The following INPP5F variants were observed in gnomAD, a reference collection of about 807,000 sequenced individuals.
INPP5F encodes the protein inositol polyphosphate-5-phosphatase F, also known as phosphatidylinositide 4-phosphatase SAC2.
INPP5F carries 97 observed loss-of-function variants against 137.2 expected under a neutral mutation model. The observed-to-expected ratio is 0.71, with a 90% CI of 0.60 to 0.84. The LOEUF is 0.84. INPP5F is among the 40% of genes least tolerant of loss of function. The pLI is 0.00. For synonymous variants in INPP5F, 504 were observed against 476.9 expected, an observed-to-expected ratio of 1.06 and a Z score of -0.74; for missense variants, 1,271 against 1,371.9, an observed-to-expected ratio of 0.93 and a Z score of 1.16.
At chr10:119,807,116 C>G (rs537314585) in intron 12 of INPP5F, among the ~76,000 whole-genome samples, 1 of 152,042 alleles carries the variant, frequency 6.6e-6, no homozygotes, top group South Asian at 2.1e-4. Flanking sequence ...ACTAAAATCC[C>G]GTCCCTACTA....
In INPP5F at chr10:119,820,827, C is replaced by G; in HGVS notation, c.1887-19C>G. 6.4e-7 allele frequency: 1 copy of G among 1,572,424 alleles called. No individual in the cohort carries two copies. Among genetic ancestry groups the G allele is most frequent in the Non-Finnish European group, 8.8e-7 (1 of 1,142,174 alleles). ...GATGGAAATGAAAATACTTAATCTC[C>G]TGTGTCATATTTGTTTAGCCTCATT... On this transcript the variant is annotated intron_variant, in intron 15 of 19. Coordinates refer to ENST00000650623, the MANE Select transcript of INPP5F (RefSeq NM_014937.4).
chr10:119,771,993 TCA>T (rs1849381227), intron 2 of INPP5F, among the ~76,000 whole-genome samples: 1 of 143,896 alleles, frequency 6.9e-6, no homozygotes, highest in African/African-American at 2.6e-5. Flanking sequence ...TCTCCCGGGT[TCA>T]CACGCCATTC....
At chr10:119,736,276 T>C (rs764699047) in intron 1 of INPP5F, among the ~76,000 whole-genome samples, 1 of 152,238 alleles carries the variant, frequency 6.6e-6, no homozygotes, top group Non-Finnish European at 1.5e-5. Flanking sequence ...CTTAAGGTAA[T>C]GAGTTTGGAA....
chr10:119,782,125 A>G (rs1160753394), intron 3 of INPP5F, among the ~76,000 whole-genome samples: 1 of 152,240 alleles, frequency 6.6e-6, no homozygotes, highest in Non-Finnish European at 1.5e-5. Context: ...GAGTTAAGAA[A>G]AGGAGAGCTC....
At chr10:119,799,262 T>G (rs770582029) in intron 9 of INPP5F, 15 of 421,924 alleles carry the variant, frequency 3.6e-5, no homozygotes. Flanking sequence ...TGTGAATGAG[T>G]AATGCCGTGG....
chr10:119,785,534 T>C (rs35905393), intron 3 of INPP5F, among the ~76,000 whole-genome samples: 5,609 of 28,876 alleles, frequency 0.19, 203 homozygotes, highest in South Asian at 0.48. Flanking sequence ...TGTGATCCGC[T>C]CGAGAGAGAG....
chr10:119,726,186 C>A lies in INPP5F; in HGVS notation c.-77C>A. The A allele has an allele frequency of 1.1e-6, 1 of 905,180 alleles. No individual in the cohort carries two copies. Among genetic ancestry groups the A allele is most frequent in the Non-Finnish European group, 1.5e-6 (1 of 669,976 alleles). 56.1% of individuals were successfully genotyped at this position (905,180 alleles called of 1,614,324 possible). A position where few individuals can be genotyped will look rare whatever the true frequency, so the allele number is the denominator to read the frequency against. On this transcript the variant is annotated 5_prime_UTR_variant, in exon 1 of 20. Transcript: ENST00000650623. The stretch of plus-strand genomic sequence containing the variant: ...ACCCGGCCGCTCCCCGAGGCGCGGG[C>A]TCTGGCGGCCTCGACCGACTAGGAC...
intron 9 of INPP5F, among the ~76,000 whole-genome samples, chr10:119,803,699 G>C (rs1194540181): frequency 6.6e-6 from 1 of 152,156 alleles, no homozygotes; most frequent in Non-Finnish European, 1.5e-5. Flanking sequence ...AGATTAATTG[G>C]GGGAGACTTG....
intron 1 of INPP5F, among the ~76,000 whole-genome samples, chr10:119,735,833 C>T (rs1411718260): frequency 6.6e-6 from 1 of 152,146 alleles, no homozygotes; most frequent in Non-Finnish European, 1.5e-5. Flanking sequence ...AATTACATCG[C>T]CTAAAATTCT....
chr10:119,785,286 GTT>G lies in INPP5F; in HGVS notation c.315+3530_315+3531del, dbSNP rs71019717. ...TAACCTTTTGTGGAACTGCCAGACT[GTT>G]TTTTTTTTTTTTTTGGAGACGGAGC... On this transcript the variant is annotated intron_variant, in intron 3 of 19. Transcript: ENST00000650623. Among the ~76,000 whole-genome samples the G allele has an allele frequency of 7.4e-3, 783 of 106,212 alleles. 22 individuals carry two copies. Among genetic ancestry groups the G allele is most frequent in the Non-Finnish European group, 8.2e-3 (440 of 53,668 alleles). 69.7% of individuals were successfully genotyped at this position (106,212 alleles called of 152,430 possible). A position where few individuals can be genotyped will look rare whatever the true frequency, so the allele number is the denominator to read the frequency against.
rs558792502 is a variant in INPP5F, at chr10:119,757,268, A to C, written c.178+6112A>C. 1.9e-3 allele frequency among the ~76,000 whole-genome samples: 293 copies of C among 151,452 alleles called. 1 individual carries two copies. Among genetic ancestry groups the C allele is most frequent in the African/African-American group, 6.8e-3 (281 of 41,364 alleles). ...TTTTGTAATTTTAGTGGATTTCCCCATGTTGGCCAGACTGGTCTCGAACTC... is the reference window on the plus strand; with the variant it reads ...TTTTGTAATTTTAGTGGATTTCCCCCTGTTGGCCAGACTGGTCTCGAACTC... On this transcript the variant is annotated intron_variant, in intron 2 of 19. Transcript: ENST00000650623.
chr10:119,796,449 G>A (rs1447350662), intron 6 of INPP5F, among the ~76,000 whole-genome samples: 1 of 152,188 alleles, frequency 6.6e-6, no homozygotes, highest in Non-Finnish European at 1.5e-5. Flanking sequence ...CGGCAAGGGT[G>A]ACTCCCCTCA....
At chr10:119,799,742 C>G (rs1564839468) in intron 9 of INPP5F, among the ~76,000 whole-genome samples, 2 of 152,076 alleles carry the variant, frequency 1.3e-5, no homozygotes, top group Non-Finnish European at 2.9e-5. Context: ...CCTATATACC[C>G]TATACAAAAA....
intron 15 of INPP5F, among the ~76,000 whole-genome samples, chr10:119,813,606 CAG>C (rs540764470): frequency 1.9e-4 from 29 of 152,156 alleles, no homozygotes; most frequent in African/African-American, 6.3e-4. Context: ...GCCTGGGTGA[CAG>C]AGTGAGACCC....
At chr10:119,823,952 T>A in intron 19 of INPP5F, 50 bp downstream of exon 19, 1 of 1,390,036 alleles carries the variant, frequency 7.2e-7, no homozygotes, top group South Asian at 1.2e-5. Flanking sequence ...TCCAAGGTCT[T>A]ATTTGTTTAA....
intron 3 of INPP5F, among the ~76,000 whole-genome samples, chr10:119,783,439 G>A (rs1416381251): frequency 6.6e-6 from 1 of 152,192 alleles, no homozygotes; most frequent in Non-Finnish European, 1.5e-5. Context: ...TGCCAGTCAT[G>A]ATTTGCATAT....
chr10:119,764,280 C>T (rs552288482), intron 2 of INPP5F, among the ~76,000 whole-genome samples: 41 of 152,280 alleles, frequency 2.7e-4, no homozygotes, highest in Admixed American at 5.2e-4. Flanking sequence ...ACCAAAATCT[C>T]GATTAGGGCT....
At chr10:119,781,470 CAT>C (rs1336660344) in intron 2 of INPP5F, among the ~76,000 whole-genome samples, 163 bp from the exon 3 acceptor site, 1 of 152,142 alleles carries the variant, frequency 6.6e-6, no homozygotes, top group Non-Finnish European at 1.5e-5. Context: ...CATCTTTTCA[CAT>C]GTTTAAGGGT....
chr10:119,726,412 G>A (rs1263417170), intron 1 of INPP5F, 53 bp downstream of exon 1: 7 of 1,093,106 alleles, frequency 6.4e-6, no homozygotes, highest in Non-Finnish European at 8.1e-6. Flanking sequence ...GGGGAGAGGA[G>A]GGGGCGCGGC....
Sources: allele counts gnomAD v4.1 joint callset (sites outside exome capture counted in the v4.1 genomes callset), GRCh38; gene constraint gnomAD v4.1.1; transcripts MANE v1.5; gene names NCBI Gene and HGNC (gene_info 2026-07-23, HGNC 2026-07-21).